ATRNL1: variants seen among roughly 807,000 people sequenced by gnomAD.
The protein encoded by ATRNL1 is attractin-like protein 1.
Under a neutral mutation model 182.7 loss-of-function variants are expected in ATRNL1, and 95 were observed. The ratio of observed to expected loss-of-function variants is 0.52; its 90% CI spans 0.44 to 0.62. ATRNL1 has a LOEUF of 0.62. Ranked by LOEUF, ATRNL1 falls within the 20% of genes least tolerant of loss-of-function variation. The pLI, the probability that ATRNL1 is intolerant of heterozygous loss-of-function variation, is 0.00. For synonymous variants in ATRNL1, 576 were observed against 568.3 expected, an observed-to-expected ratio of 1.01 and a Z score of -0.19; for missense variants, 1,471 against 1,679.5, an observed-to-expected ratio of 0.88 and a Z score of 2.17.
intron 26 of ATRNL1, among the ~76,000 whole-genome samples, chr10:115,574,532 C>A (rs1168676230): frequency 6.6e-6 from 1 of 151,954 alleles, no homozygotes; most frequent in Non-Finnish European, 1.5e-5. Context: ...TCAAATCTAC[C>A]ATGTATCTTA....
At chr10:115,832,645 T>A (rs1555094114) in intron 27 of ATRNL1, among the ~76,000 whole-genome samples, 1 of 152,218 alleles carries the variant, frequency 6.6e-6, no homozygotes, top group African/African-American at 2.4e-5. Context: ...AAGTCTCGAC[T>A]CTTCCACTCT....
chr10:115,372,376 C>A (rs1175917807), intron 19 of ATRNL1, among the ~76,000 whole-genome samples: 1 of 152,018 alleles, frequency 6.6e-6, no homozygotes, highest in Non-Finnish European at 1.5e-5. Context: ...TGGAAACAAT[C>A]CCATTTGTCT....
chr10:115,298,554 A>G (rs1296623930), intron 15 of ATRNL1, among the ~76,000 whole-genome samples: 1 of 152,118 alleles, frequency 6.6e-6, no homozygotes, highest in East Asian at 1.9e-4. Context: ...TTAATCTGAA[A>G]TATCTATGTT....
intron 5 of ATRNL1, among the ~76,000 whole-genome samples, chr10:115,131,321 C>T (rs541226892): frequency 2.0e-5 from 3 of 151,908 alleles, no homozygotes; most frequent in East Asian, 1.9e-4. Flanking sequence ...AATTATAAAA[C>T]GCAGAAATAA....
intron 27 of ATRNL1, among the ~76,000 whole-genome samples, chr10:115,785,138 G>A (rs1949364940): frequency 6.6e-6 from 1 of 152,178 alleles, no homozygotes; most frequent in Admixed American, 6.5e-5. Flanking sequence ...CTCTCCATCG[G>A]TGGATATGTG....
intron 24 of ATRNL1, among the ~76,000 whole-genome samples, chr10:115,485,958 A>G (rs1246627556): frequency 2.3e-5 from 3 of 130,928 alleles, no homozygotes; most frequent in African/African-American, 9.0e-5. Context: ...ATGTGTTCTC[A>G]CTGTTCAACT....
intron 25 of ATRNL1, among the ~76,000 whole-genome samples, chr10:115,540,770 AAAG>A (rs201227944): frequency 0.041 from 4,353 of 107,364 alleles, 230 homozygotes; most frequent in African/African-American, 0.12. Flanking sequence ...AAAAAAAAAA[AAAG>A]GGGGGAGGGA....
intron 26 of ATRNL1, among the ~76,000 whole-genome samples, chr10:115,572,829 T>C (rs531869487): frequency 6.6e-6 from 1 of 152,286 alleles, no homozygotes; most frequent in South Asian, 2.1e-4. Context: ...CTGATTCCCC[T>C]TGCAGGACAT....
chr10:115,556,960 G>A (rs2251693), intron 26 of ATRNL1, among the ~76,000 whole-genome samples: 147,467 of 151,654 alleles, frequency 0.97, 71,862 homozygotes, highest in East Asian at 1. Flanking sequence ...CAGAATTTCT[G>A]TGAGTGAGGC....
chr10:115,809,391 T>A (rs1223394898), intron 27 of ATRNL1, among the ~76,000 whole-genome samples: 1 of 152,072 alleles, frequency 6.6e-6, no homozygotes, highest in Admixed American at 6.6e-5. Flanking sequence ...TTGGGTTGAA[T>A]CTATGGACCA....
At chr10:115,357,963 T>C (rs1856574084) in intron 19 of ATRNL1, among the ~76,000 whole-genome samples, 1 of 151,670 alleles carries the variant, frequency 6.6e-6, no homozygotes, top group Non-Finnish European at 1.5e-5. Flanking sequence ...AGCATCTTCT[T>C]ATTCCATCTT....
At chr10:115,637,989 GTTTTTATAAA>G (rs1555028835) in intron 26 of ATRNL1, among the ~76,000 whole-genome samples, 5 of 151,960 alleles carry the variant, frequency 3.3e-5, no homozygotes, top group African/African-American at 9.7e-5. Context: ...ATACTATACA[GTTTTTATAAA>G]GTCTTTTATA....
At chr10:115,270,319 T>TAAAC (rs1851795734) in intron 13 of ATRNL1, among the ~76,000 whole-genome samples, 9 of 128,656 alleles carry the variant, frequency 7.0e-5, no homozygotes, top group East Asian at 4.1e-4. Context: ...ATATTATATA[T>TAAAC]AAATATATTT....
chr10:115,353,654 T>C (rs1207085225), intron 19 of ATRNL1, among the ~76,000 whole-genome samples: 1 of 152,186 alleles, frequency 6.6e-6, no homozygotes, highest in African/African-American at 2.4e-5. Context: ...TTTCTTCCTC[T>C]CTTCCTTTTT....
intron 24 of ATRNL1, among the ~76,000 whole-genome samples, chr10:115,512,028 T>G (rs1220124780): frequency 6.6e-6 from 1 of 151,908 alleles, no homozygotes; most frequent in Non-Finnish European, 1.5e-5. Flanking sequence ...CAAAGGTGCA[T>G]TTATACTGGC....
At chr10:115,720,154 C>T (rs1389917112) in intron 26 of ATRNL1, among the ~76,000 whole-genome samples, 13 of 152,158 alleles carry the variant, frequency 8.5e-5, no homozygotes, top group African/African-American at 1.9e-4. Flanking sequence ...TGAGCCACTG[C>T]GTCTGGCCCC....
At chr10:115,636,176 G>A (rs1159380869) in intron 26 of ATRNL1, among the ~76,000 whole-genome samples, 1 of 152,136 alleles carries the variant, frequency 6.6e-6, no homozygotes, top group Non-Finnish European at 1.5e-5. Flanking sequence ...TTCCGTGCAG[G>A]TAGGCAACCA....
chr10:115,223,887 A>ATGTG (rs1185815693), intron 9 of ATRNL1, among the ~76,000 whole-genome samples: 5,025 of 77,826 alleles, frequency 0.065, 143 homozygotes, highest in Non-Finnish European at 0.092. Context: ...TATTTAATAT[A>ATGTG]TGTGTGTGTG....
At chr10:115,484,209 G>C (rs1347702869) in intron 24 of ATRNL1, among the ~76,000 whole-genome samples, 1 of 150,552 alleles carries the variant, frequency 6.6e-6, no homozygotes, top group Non-Finnish European at 1.5e-5. Context: ...AGGTTATGAA[G>C]TATTCTGCAA....
Sources: allele counts gnomAD v4.1 joint callset (sites outside exome capture counted in the v4.1 genomes callset), GRCh38; gene constraint gnomAD v4.1.1; transcripts MANE v1.5; gene names NCBI Gene and HGNC (gene_info 2026-07-23, HGNC 2026-07-21).